Variants in ATP7A observed in about 807,000 individuals in gnomAD.
ATP7A encodes copper-transporting ATPase 1.
Under a neutral mutation model 83.5 loss-of-function variants are expected in ATP7A, and 7 were observed. The observed-to-expected ratio is 0.08, with a 90% CI of 0.05 to 0.16. ATP7A has a LOEUF of 0.16. Among genes scored for constraint, ATP7A ranks in the 10% least tolerant of loss-of-function variants. The probability of loss-of-function intolerance (pLI) is 1.00; values close to 1 mark genes in which losing one functional copy is unlikely to be tolerated. For missense variants in ATP7A, 940 were observed against 1,120.8 expected (o/e 0.84, Z 2.30); for synonymous variants, 354 against 395.2 (o/e 0.90, Z 1.24).
chrX:77,932,393 C>T (rs868914489), intron 1 of ATP7A, among the ~76,000 whole-genome samples: 16 of 106,653 alleles, frequency 1.5e-4, no homozygotes, highest in Middle Eastern at 4.8e-3. Flanking sequence ...GGATGGCGGC[C>T]GGGCAGAGAC....
chrX:78,003,243 A>T lies in ATP7A; in HGVS notation c.1707+7A>T. 1 of 1,206,808 alleles carries T rather than the reference A, an allele frequency of 8.3e-7. No individual in the cohort carries two copies. The highest frequency in any genetic ancestry group is 1.1e-6 in the Non-Finnish European group (1 of 891,292). On this transcript the variant is annotated splice_region_variant and intron_variant, in intron 6 of 22. Coordinates refer to ENST00000341514, the MANE Select transcript of ATP7A (RefSeq NM_000052.7). ...TGGTGTTTTGGAACTTGTTGTAAGT[A>T]AGATTTTTTGTGTGATTAATAAAAC...
intron 2 of ATP7A, among the ~76,000 whole-genome samples, chrX:77,977,695 A>G (rs1460866035): frequency 8.9e-6 from 1 of 112,592 alleles, no homozygotes; most frequent in African/African-American, 3.2e-5. Flanking sequence ...AATTTTGATT[A>G]CACTGAAAAT....
intron 22 of ATP7A, among the ~76,000 whole-genome samples, chrX:78,045,961 C>T (rs2078080707): frequency 1.8e-5 from 2 of 111,918 alleles, no homozygotes; most frequent in South Asian, 7.5e-4. Context: ...CCAGCCTAGG[C>T]AACAGAGTGA....
chrX:78,041,298 G>T (rs1603390938), intron 19 of ATP7A, among the ~76,000 whole-genome samples: 1 of 108,930 alleles, frequency 9.2e-6, no homozygotes, highest in Middle Eastern at 4.6e-3. Flanking sequence ...TTCTTGGGAC[G>T]GAGTTTCGCT....
intron 8 of ATP7A, 77 bp downstream of exon 8, chrX:78,011,329 T>C (rs2077823646): frequency 9.3e-7 from 1 of 1,078,985 alleles, no homozygotes; most frequent in Non-Finnish European, 1.3e-6. Flanking sequence ...TCAGTTTTTA[T>C]AATATCATCC....
chrX:78,020,391 C>T lies in ATP7A; in HGVS notation c.2774C>T (p.Thr925Ile), dbSNP rs369335432. The change falls in exon 13 of 23, where the codon ACA becomes ATA. Residue 925 changes from threonine to isoleucine, a missense_variant. Thr to Ile is a moderately conservative substitution (Grantham distance 89). This residue lies in a region of ATP7A where 386 missense variants were observed against 502.2 expected (regional missense o/e 0.77). Transcript: ENST00000341514. ...GTCAAACTTGTGGAAGAGGCACAAA[C>T]ATCAAAGGTAACTTAACTCCCTAGG... The part of the protein sequence containing the change: ...QIVKLVEEAQ[T>I]SKAPIQQFAD... 4.1e-6 allele frequency: 5 copies of T among 1,209,277 alleles called. No homozygotes were observed. Among genetic ancestry groups the T allele is most frequent in the Non-Finnish European group, 5.6e-6 (5 of 894,223 alleles).
In ATP7A at chrX:78,046,574, G is replaced by A; in HGVS notation, c.*4G>A. 1.7e-6 allele frequency: 2 copies of A among 1,211,146 alleles called. No homozygotes were observed. The highest frequency in any genetic ancestry group is 2.2e-6 in the Non-Finnish European group (2 of 895,220). Reference sequence around the variant, plus strand: ...AGATGATGACACTGCATTATAAAAGGCCATGGAGAGTGCTGCCAGTTTAAC... The same window carrying A: ...AGATGATGACACTGCATTATAAAAGACCATGGAGAGTGCTGCCAGTTTAAC... On this transcript the variant is annotated 3_prime_UTR_variant, in exon 23 of 23. Transcript: ENST00000341514.
Position 78,037,980 on chromosome X carries a change from G to GTTTTTTGTTTTTT in ATP7A, c.3512-850_3512-849insGTTTTTTTTTTTT, listed in dbSNP as rs2078023897. Among the ~76,000 whole-genome samples, 6 of 51,200 alleles carry GTTTTTTGTTTTTT rather than the reference G, an allele frequency of 1.2e-4. 1 individual carries two copies. The highest frequency in any genetic ancestry group is 6.1e-4 in the African/African-American group (6 of 9,772). 44.5% of individuals were successfully genotyped at this position (51,200 alleles called of 115,157 possible). ...AGAGAGGTGGGTGAGATCAAGAAAGGTTTTTTTTTTTTTTTTTTTTTTTTT... is the reference window on the plus strand; with the variant it reads ...AGAGAGGTGGGTGAGATCAAGAAAGGTTTTTTGTTTTTTTTTTTTTTTTTTTTTTTTTTTTTTT... On this transcript the variant is annotated intron_variant, in intron 17 of 22. Coordinates refer to ENST00000341514, the MANE Select transcript of ATP7A (RefSeq NM_000052.7).
At chrX:78,045,640 T>G (rs1557239016) in intron 22 of ATP7A, 68 bp downstream of exon 22, 2 of 983,108 alleles carry the variant, frequency 2.0e-6, no homozygotes, top group East Asian at 6.1e-5. Flanking sequence ...TCTTGGTAGG[T>G]TTTATTCTTG....
chrX:77,965,086 G>C (rs1183487632), intron 1 of ATP7A, among the ~76,000 whole-genome samples: 1 of 110,511 alleles, frequency 9.0e-6, no homozygotes, highest in Non-Finnish European at 1.9e-5. Context: ...ATCACACACA[G>C]GGTGTGATTT....
chrX:78,044,898 G>A, intron 21 of ATP7A, among the ~76,000 whole-genome samples: 1 of 111,735 alleles, frequency 8.9e-6, no homozygotes, highest in Non-Finnish European at 1.9e-5. Flanking sequence ...CACAAATACT[G>A]AGAGAACAAA....
chrX:77,946,866 A>G (rs782482882), intron 1 of ATP7A, among the ~76,000 whole-genome samples: 3 of 111,217 alleles, frequency 2.7e-5, no homozygotes, highest in East Asian at 5.6e-4. Flanking sequence ...AATATTAAAT[A>G]TAGAATTACC....
chrX:78,044,946 A>G (rs1557238919), intron 21 of ATP7A, among the ~76,000 whole-genome samples: 1 of 112,365 alleles, frequency 8.9e-6, no homozygotes, highest in African/African-American at 3.2e-5. Flanking sequence ...AGATTAATTC[A>G]TGGAGCAAGT....
chrX:77,947,859 C>T (rs2077390204), intron 1 of ATP7A, among the ~76,000 whole-genome samples: 1 of 105,731 alleles, frequency 9.5e-6, no homozygotes, highest in Non-Finnish European at 1.9e-5. Context: ...CCTGCCTCAG[C>T]CTCCTGAGTA....
intron 2 of ATP7A, among the ~76,000 whole-genome samples, chrX:77,984,289 A>G (rs782460784): frequency 7.2e-5 from 8 of 110,446 alleles, no homozygotes; most frequent in Non-Finnish European, 1.5e-4. Flanking sequence ...AGTGCCGGGC[A>G]CATAATGGAC....
intron 1 of ATP7A, among the ~76,000 whole-genome samples, chrX:77,967,813 A>G (rs1803853514): frequency 8.9e-6 from 1 of 112,012 alleles, no homozygotes; most frequent in African/African-American, 3.2e-5. Flanking sequence ...TAATTGTTCA[A>G]AGCTCCACAG....
chrX:78,026,533 A>G (rs781872549), intron 14 of ATP7A, among the ~76,000 whole-genome samples: 1 of 111,941 alleles, frequency 8.9e-6, no homozygotes, highest in African/African-American at 3.2e-5. Context: ...ATCATCAAGG[A>G]CAAAAATTAG....
chrX:77,954,215 C>A (rs782596389), intron 1 of ATP7A, among the ~76,000 whole-genome samples: 210 of 112,008 alleles, frequency 1.9e-3, no homozygotes, highest in African/African-American at 6.4e-3. Context: ...TTTCAGCTCA[C>A]TGCAACCTCT....
intron 1 of ATP7A, among the ~76,000 whole-genome samples, chrX:77,920,691 A>T (rs892580326): frequency 9.0e-6 from 1 of 110,591 alleles, no homozygotes; most frequent in African/African-American, 3.3e-5. Context: ...TATGTACCAC[A>T]TTTTCTTTAT....
Sources: allele counts gnomAD v4.1 joint callset (sites outside exome capture counted in the v4.1 genomes callset), GRCh38; gene constraint gnomAD v4.1.1; regional missense constraint gnomAD v4.1.1; transcripts MANE v1.5; gene names NCBI Gene and HGNC (gene_info 2026-07-23, HGNC 2026-07-21).